The following TBC1D9B variants were observed in gnomAD, a reference collection of about 807,000 sequenced individuals.
The protein encoded by TBC1D9B is TBC1 domain family, member 9B (with GRAM domain).
Under a neutral mutation model 121.1 loss-of-function variants are expected in TBC1D9B, and 87 were observed. That is an observed-to-expected ratio of 0.72 (90% CI 0.60 to 0.86). The LOEUF is 0.86. Ranked by LOEUF, TBC1D9B falls within the 40% of genes least tolerant of loss-of-function variation. The pLI, the probability that TBC1D9B is intolerant of heterozygous loss-of-function variation, is 0.00. For missense variants in TBC1D9B, 1,540 were observed against 1,628.6 expected, an observed-to-expected ratio of 0.95 and a Z score of 0.94; for synonymous variants, 668 against 670.1, an observed-to-expected ratio of 1.00 and a Z score of 0.05.
rs187576579 is a variant in TBC1D9B, at chr5:179,879,211, G to A, written c.1417-14C>T. The A allele has an allele frequency of 1.1e-4, 180 of 1,594,594 alleles. 2 individuals carry two copies. The Admixed American group carries it at 2.9e-3, about 25-fold the overall frequency. ...CTTCTCCTTGGCCTGAGGGAAAAGC[G>A]CATCAGGGAGCCTGGGGGCCGAAGC... On this transcript the variant is annotated splice_polypyrimidine_tract_variant and intron_variant, in intron 8 of 20. Coordinates refer to ENST00000355235, the MANE Select transcript of TBC1D9B (RefSeq NM_015043.4).
In TBC1D9B at chr5:179,904,251, A is replaced by G. The variant is rs1413164739; in HGVS notation, c.229+451T>C. On this transcript the variant is annotated intron_variant, in intron 2 of 20. Coordinates refer to ENST00000355235, the MANE Select transcript of TBC1D9B (RefSeq NM_015043.4). This position sits in a 1 kb window ranked among gnomAD's most constrained non-coding sequence, Gnocchi z 4.2. ...TTTTTTTTTTTTTTTTTGAGACGGAATCTCGCTGTGTCGCCCAGGCTGGAG... is the reference window on the plus strand; with the variant it reads ...TTTTTTTTTTTTTTTTTGAGACGGAGTCTCGCTGTGTCGCCCAGGCTGGAG... 1.7e-4 allele frequency among the ~76,000 whole-genome samples: 21 copies of G among 122,074 alleles called. 1 individual carries two copies. The highest frequency in any genetic ancestry group is 6.6e-4 in the African/African-American group (18 of 27,442). 80.1% of individuals were successfully genotyped at this position (122,074 alleles called of 152,430 possible). A position where few individuals can be genotyped will look rare whatever the true frequency, so the allele number is the denominator to read the frequency against.
At chr5:179,864,224 A>ATG in intron 20 of TBC1D9B, 96 bp from the exon 21 acceptor site, 1 of 1,261,738 alleles carries the variant, frequency 7.9e-7, no homozygotes, top group Non-Finnish European at 1.1e-6. Flanking sequence ...CAGCCTAAGG[A>ATG]TGTTGGCTGC....
At chr5:179,872,609 T>C in intron 14 of TBC1D9B, 1 of 450,782 alleles carries the variant, frequency 2.2e-6, no homozygotes, top group Non-Finnish European at 4.0e-6. Flanking sequence ...GAAGCCAGGC[T>C]GGGCGGGCTC....
intron 8 of TBC1D9B, 60 bp from the exon 9 acceptor site, chr5:179,879,257 A>C: frequency 6.4e-7 from 1 of 1,558,248 alleles, no homozygotes; most frequent in Non-Finnish European, 8.6e-7. Flanking sequence ...GCCGAGGCCT[A>C]GGCCACCGCG....
intron 18 of TBC1D9B, chr5:179,866,823 G>C (rs1582073072): frequency 6.5e-6 from 1 of 152,838 alleles, no homozygotes; most frequent in East Asian, 1.9e-4. Context: ...CACTATTTTT[G>C]GTTCTCTTTT....
Position 179,894,472 on chromosome 5 carries a change from T to C in TBC1D9B, c.491A>G (p.Tyr164Cys). 6 of 1,614,180 alleles carry C rather than the reference T, an allele frequency of 3.7e-6. No homozygotes were observed. The highest frequency in any genetic ancestry group is 1.3e-5 in the African/African-American group (1 of 75,046). ...CTGCCGGGGCACGCGGCCCTTCCAG[T>C]AGCTGCAGGAGTAGTAATTCACCAG... ...EKLVNYYSCSYWKGRVPRQGW... is the reference protein window; with the variant it reads ...EKLVNYYSCSCWKGRVPRQGW... Residue 164 changes from tyrosine to cysteine, a missense_variant, in exon 4 of 21, where the codon TAC (tyrosine) becomes TGC (cysteine). Coordinates refer to ENST00000355235, the MANE Select transcript of TBC1D9B (RefSeq NM_015043.4).
In TBC1D9B at chr5:179,879,629, C is replaced by G. The variant is rs761570512; in HGVS notation, c.1415G>C (p.Gly472Ala). 4.3e-6 allele frequency: 7 copies of G among 1,613,922 alleles called. No individual in the cohort carries two copies. In the East Asian group the frequency reaches 1.6e-4, roughly 36 times the overall value. The change falls in exon 8 of 21, where the codon GGG becomes GCG. Residue 472 changes from glycine to alanine, a missense_variant and splice_region_variant. Transcript: ENST00000355235. ...GGAGTGCCGGCGCTCAGGGCTCACCCCCTTGGCTCCAAGGTCCTCCATGGG... is the reference window on the plus strand; with the variant it reads ...GGAGTGCCGGCGCTCAGGGCTCACCGCCTTGGCTCCAAGGTCCTCCATGGG... ...NSPMEDLGAKGAKEKMKEESW... is the reference protein window; with the variant it reads ...NSPMEDLGAKAAKEKMKEESW...
chr5:179,864,001 T>G lies in TBC1D9B; in HGVS notation c.3149A>C (p.Lys1050Thr). 1 of 1,613,822 alleles carries G rather than the reference T, an allele frequency of 6.2e-7. No homozygotes were observed. Residue 1050 changes from lysine (K) to threonine (T), a missense_variant, in exon 21 of 21, where the codon AAG (lysine) becomes ACG (threonine). Physicochemically the swap from Lys to Thr is moderately conservative, Grantham distance 78. Coordinates refer to ENST00000355235, the MANE Select transcript of TBC1D9B (RefSeq NM_015043.4). The stretch of plus-strand genomic sequence containing the variant: ...CTTCCTGCCTGTGCGGGCTGAGAAC[T>G]TCTTCCCCACCTCTCCGATGCGGAG... ...LLLRIGEVGK[K>T]FSARTGRKPR...
intron 7 of TBC1D9B, chr5:179,884,674 A>G (rs974360592): frequency 6.6e-6 from 1 of 152,248 alleles, no homozygotes; most frequent in Non-Finnish European, 1.5e-5. Flanking sequence ...CATATGATTC[A>G]GCCTTAAAAA....
intron 2 of TBC1D9B, 58 bp from the exon 3 acceptor site, chr5:179,899,365 ACATT>A: frequency 6.9e-7 from 1 of 1,446,258 alleles, no homozygotes; most frequent in Middle Eastern, 1.8e-4. Context: ...CCTTAAACGC[ACATT>A]CAAAGAAGCG....
In TBC1D9B at chr5:179,863,720, T is replaced by G. The variant is rs753239543; in HGVS notation, c.3430A>C (p.Ser1144Arg). The G allele has an allele frequency of 3.4e-5, 55 of 1,613,448 alleles. No individual in the cohort carries two copies. The highest frequency in any genetic ancestry group is 4.5e-5 in the Non-Finnish European group (53 of 1,179,994). The part of the protein sequence containing the change: ...DMSMSSYSVV[S>R]TGSLQCEDLA... ...TCTTCACATTGCAGGGAGCCCGTGC[T>G]GACCACCGAGTAGGAGGACATGGAC... is the stretch of plus-strand genomic sequence containing the variant. Residue 1144 changes from serine (S) to arginine (R), a missense_variant, in exon 21 of 21, where the codon AGC becomes CGC. Ser to Arg is a moderately radical substitution (Grantham distance 110). Transcript: ENST00000355235. This position sits in a 1 kb window ranked among gnomAD's most constrained non-coding sequence, Gnocchi z 4.5.
At chr5:179,880,569 TA>T in intron 7 of TBC1D9B, among the ~76,000 whole-genome samples, 1 of 152,284 alleles carries the variant, frequency 6.6e-6, no homozygotes, top group South Asian at 2.1e-4. Context: ...GGCGCCCTCC[TA>T]AAACACTTCA....
At position 179,907,825 on chromosome 5, in the gene TBC1D9B, G is replaced by A. The variant is rs1456881222; in HGVS notation, c.-4C>T. 2.6e-6 allele frequency: 3 copies of A among 1,157,156 alleles called. No individual in the cohort carries two copies. The highest frequency in any genetic ancestry group is 3.3e-6 in the Non-Finnish European group (3 of 918,496). The allele number at this position is 1,157,156 out of a possible 1,614,324, so 71.7% of individuals were successfully genotyped here. On this transcript the variant is annotated 5_prime_UTR_variant, in exon 1 of 21. Transcript: ENST00000355235. This position sits in a 1 kb window ranked among gnomAD's most constrained non-coding sequence, Gnocchi z 5.3. ...CCTCCTCCGGGCTCAGCCACATCGC[G>A]GAGCCGCTCGCACCGGGCCGAGGCC...
chr5:179,870,487 G>A lies in TBC1D9B; in HGVS notation c.2493C>T (p.His831=), dbSNP rs571519379. 8 of 1,608,562 alleles carry A rather than the reference G, an allele frequency of 5.0e-6. No homozygotes were observed. In the East Asian group the frequency reaches 1.8e-4, roughly 36 times the overall value. ...EDLYMVFKAK[H]LASQYWGCSR... is the part of the protein sequence containing the mutation. ...TGCACCCCCAGTACTGGCTAGCCAG[G>A]TGCTTGGCCTGTGGGACACGGTCTG... Residue 831 remains histidine (H), a synonymous_variant, in exon 16 of 21, where the codon CAC becomes CAT. Coordinates refer to ENST00000355235, the MANE Select transcript of TBC1D9B (RefSeq NM_015043.4).
intron 10 of TBC1D9B, among the ~76,000 whole-genome samples, chr5:179,877,664 C>CAAAAA (rs564753950): frequency 3.3e-3 from 207 of 63,510 alleles, no homozygotes; most frequent in Middle Eastern, 0.028. Flanking sequence ...GATTCTATCT[C>CAAAAA]AAAAAAAAAA....
rs1424746441 is a variant in TBC1D9B at position 179,878,467 on chromosome 5, A to T, written c.1624T>A (p.Ser542Thr). Residue 542 changes from serine (S) to threonine (T), a missense_variant, in exon 10 of 21, where the codon TCC becomes ACC. Coordinates refer to ENST00000355235, the MANE Select transcript of TBC1D9B (RefSeq NM_015043.4). ...GTGGCCAGGCTGTACTTCCCGGTGG[A>T]CTTCTCCACCAGCTCAGCATAGTAC... ...PGYYAELVEK[S>T]TGKYSLATEE... The T allele has an allele frequency of 1.2e-6, 2 of 1,612,132 alleles. No homozygotes were observed. Among genetic ancestry groups the T allele is most frequent in the African/African-American group, 2.7e-5 (2 of 74,886 alleles).
At chr5:179,905,553 TC>T (rs1363954492) in intron 1 of TBC1D9B, among the ~76,000 whole-genome samples, 6 of 152,256 alleles carry the variant, frequency 3.9e-5, no homozygotes, top group Non-Finnish European at 7.3e-5. Context: ...TTTCTTCTCA[TC>T]ACATATACCC....
chr5:179,876,067 C>T, intron 10 of TBC1D9B, 30 bp from the exon 11 acceptor site: 3 of 1,592,558 alleles, frequency 1.9e-6, no homozygotes, highest in South Asian at 2.2e-5. Flanking sequence ...CCGGGGAAGG[C>T]TTGCACTGCT....
In TBC1D9B at chr5:179,900,631, G is replaced by A. The variant is rs138830868; in HGVS notation, c.230-1324C>T. On this transcript the variant is annotated intron_variant, in intron 2 of 20. Transcript: ENST00000355235. ...TGGAGCCTCTAATCACACTCTTGTC[G>A]ACTGACCGATACATAACTGTTTTAC... Among the ~76,000 whole-genome samples, 612 of 152,236 alleles carry A rather than the reference G, an allele frequency of 4.0e-3. 2 individuals carry two copies. Among genetic ancestry groups the A allele is most frequent in the African/African-American group, 0.013 (559 of 41,550 alleles).
Sources: gnomAD v4.1 joint callset for allele counts (sites outside exome capture counted in the v4.1 genomes callset) on GRCh38, gnomAD v4.1.1 for gene constraint, Gnocchi (gnomAD v3.1) non-coding constraint, MANE v1.5 for transcripts, NCBI Gene and HGNC (gene_info 2026-07-23, HGNC 2026-07-21) for gene names.